CSNK1G1: variants seen among roughly 807,000 people sequenced by gnomAD.
CSNK1G1 encodes the protein casein kinase 1 gamma 1.
CSNK1G1 carries 22 observed loss-of-function variants against 59.6 expected under a neutral mutation model. That is an observed-to-expected ratio of 0.37 (90% CI 0.26 to 0.53). The LOEUF (loss-of-function observed/expected upper bound fraction) is 0.53, where lower values mean the gene tolerates loss of function less well. Ranked by LOEUF, CSNK1G1 falls within the 20% of genes least tolerant of loss-of-function variation. The pLI is 0.89. For missense variants in CSNK1G1, 384 were observed against 519.5 expected (o/e 0.74, Z 2.54); for synonymous variants, 179 against 177.1 (o/e 1.01, Z -0.08).
intron 4 of CSNK1G1, among the ~76,000 whole-genome samples, chr15:64,230,495 A>G (rs941711703): frequency 6.6e-6 from 1 of 151,680 alleles, no homozygotes; most frequent in African/African-American, 2.4e-5. Flanking sequence ...ACAGGGTCCC[A>G]CTAGGTTGCC....
intron 7 of CSNK1G1, 58 bp from the exon 8 acceptor site, chr15:64,205,007 AAT>A (rs2082158514): frequency 1.0e-6 from 1 of 1,005,018 alleles, no homozygotes; most frequent in Non-Finnish European, 1.5e-6. Context: ...TGGGAGATTC[AAT>A]ATGTTTTTGG....
At chr15:64,311,084 C>A (rs760637688) in intron 1 of CSNK1G1, among the ~76,000 whole-genome samples, 1 of 151,710 alleles carries the variant, frequency 6.6e-6, no homozygotes, top group African/African-American at 2.4e-5. Context: ...AAGACAGTCT[C>A]GCTCTGTCAC....
At chr15:64,256,139 AT>A (rs1486590168) in intron 3 of CSNK1G1, among the ~76,000 whole-genome samples, 1 of 152,220 alleles carries the variant, frequency 6.6e-6, no homozygotes, top group African/African-American at 2.4e-5. Flanking sequence ...ATAACTAAGA[AT>A]TCACAAGGAA....
At chr15:64,184,235 G>A (rs959244225) in intron 10 of CSNK1G1, among the ~76,000 whole-genome samples, 38 of 152,028 alleles carry the variant, frequency 2.5e-4, no homozygotes, top group African/African-American at 8.0e-4. Flanking sequence ...CCTGGGAGGC[G>A]TAGCTTGCAG....
intron 10 of CSNK1G1, among the ~76,000 whole-genome samples, chr15:64,182,960 C>T (rs999483085): frequency 6.6e-6 from 1 of 152,152 alleles, no homozygotes; most frequent in African/African-American, 2.4e-5. Flanking sequence ...GCTTCATTTG[C>T]TTCTTGTGGA....
chr15:64,189,570 G>T, intron 10 of CSNK1G1: 1 of 745,708 alleles, frequency 1.3e-6, no homozygotes, highest in Non-Finnish European at 1.8e-6. Context: ...ACAGCTGCAG[G>T]GGTTAGGATG....
At chr15:64,268,420 T>C (rs920565230) in intron 2 of CSNK1G1, among the ~76,000 whole-genome samples, 2 of 152,206 alleles carry the variant, frequency 1.3e-5, no homozygotes, top group Admixed American at 1.3e-4. Flanking sequence ...GTAGAATGAC[T>C]ATAGCTAACA....
chr15:64,221,181 A>G (rs937101185), intron 4 of CSNK1G1, among the ~76,000 whole-genome samples: 5 of 152,254 alleles, frequency 3.3e-5, no homozygotes, highest in African/African-American at 1.2e-4. Flanking sequence ...AAATCTGGGC[A>G]TAATATCCTC....
chr15:64,288,345 G>T (rs1894538124), intron 2 of CSNK1G1, among the ~76,000 whole-genome samples: 3 of 152,070 alleles, frequency 2.0e-5, no homozygotes, highest in Admixed American at 2.0e-4. Flanking sequence ...TACGTCATTA[G>T]GGATGGCATC....
chr15:64,333,808 A>G (rs1897242817), intron 1 of CSNK1G1, among the ~76,000 whole-genome samples: 1 of 152,216 alleles, frequency 6.6e-6, no homozygotes, highest in South Asian at 2.1e-4. Context: ...AAAAAGACAA[A>G]GTCATTATAC....
intron 2 of CSNK1G1, among the ~76,000 whole-genome samples, chr15:64,274,823 C>CA (rs1311749347): frequency 1.3e-5 from 2 of 152,136 alleles, no homozygotes; most frequent in African/African-American, 4.8e-5. Context: ...AAGGAACATA[C>CA]AGTCTGTTTA....
intron 1 of CSNK1G1, among the ~76,000 whole-genome samples, chr15:64,349,481 C>T (rs1011755553): frequency 5.3e-5 from 8 of 152,136 alleles, no homozygotes; most frequent in African/African-American, 1.9e-4. Context: ...ATCCCTAGCA[C>T]CCCAACCCCC....
intron 2 of CSNK1G1, among the ~76,000 whole-genome samples, chr15:64,277,164 T>C (rs1032650482): frequency 2.0e-5 from 3 of 152,028 alleles, no homozygotes; most frequent in African/African-American, 7.2e-5. Context: ...GAAATATAGA[T>C]GTTATTAATA....
At chr15:64,264,496 G>A (rs1892875663) in intron 2 of CSNK1G1, among the ~76,000 whole-genome samples, 1 of 152,170 alleles carries the variant, frequency 6.6e-6, no homozygotes, top group African/African-American at 2.4e-5. Flanking sequence ...AAACCAAAGA[G>A]GAGGGGAATA....
intron 1 of CSNK1G1, among the ~76,000 whole-genome samples, chr15:64,349,905 G>T (rs945626756): frequency 6.9e-6 from 1 of 145,620 alleles, no homozygotes; most frequent in Non-Finnish European, 1.5e-5. Context: ...TGAGACCCTC[G>T]TCTCCAAAAA....
intron 4 of CSNK1G1, among the ~76,000 whole-genome samples, chr15:64,220,887 G>C (rs761139710): frequency 9.9e-5 from 15 of 152,166 alleles, no homozygotes; most frequent in Non-Finnish European, 1.6e-4. Context: ...ATTCTTTCAA[G>C]AGAGATGGCT....
intron 2 of CSNK1G1, among the ~76,000 whole-genome samples, chr15:64,280,300 CTG>C (rs921858020): frequency 5.3e-5 from 8 of 152,036 alleles, no homozygotes; most frequent in African/African-American, 1.9e-4. Flanking sequence ...TCTTTGGAAG[CTG>C]TGAGTTGAGC....
intron 1 of CSNK1G1, among the ~76,000 whole-genome samples, chr15:64,307,076 A>T (rs141623789): frequency 5.9e-4 from 90 of 152,320 alleles, no homozygotes; most frequent in African/African-American, 2.1e-3. Context: ...GTCATTATAC[A>T]TTTGTCCAAA....
chr15:64,335,970 C>G (rs1897366616), intron 1 of CSNK1G1: 1 of 152,172 alleles, frequency 6.6e-6, no homozygotes, highest in Non-Finnish European at 1.5e-5. Context: ...CTACACTAGG[C>G]CTAACACATA....
Sources: gnomAD v4.1 joint callset for allele counts (sites outside exome capture counted in the v4.1 genomes callset) on GRCh38, gnomAD v4.1.1 for gene constraint, MANE v1.5 for transcripts, NCBI Gene and HGNC (gene_info 2026-07-23, HGNC 2026-07-21) for gene names.